MIB1: variants seen among roughly 807,000 people sequenced by gnomAD.
The protein encoded by MIB1 is E3 ubiquitin-protein ligase MIB1.
In MIB1, 278 loss-of-function variants were observed where a neutral mutation model predicts 124.5. The ratio of observed to expected loss-of-function variants is 2.23; its 90% CI spans 2.02 to 2.47. The LOEUF (loss-of-function observed/expected upper bound fraction) is 2.47, where lower values mean the gene tolerates loss of function less well. Ranked by LOEUF, MIB1 falls within the 30% of genes most tolerant of loss-of-function variation. MIB1 has a pLI of 0.00. For missense variants in MIB1, 957 were observed against 1,254.4 expected (o/e 0.76, Z 3.58); for synonymous variants, 446 against 429.4 (o/e 1.04, Z -0.48).
At chr18:21,814,110 T>G (rs915916431) in intron 10 of MIB1, among the ~76,000 whole-genome samples, 63 of 152,122 alleles carry the variant, frequency 4.1e-4, no homozygotes, top group African/African-American at 1.4e-3. Context: ...TTTAAGCAAT[T>G]TGGTCTTTCC....
intron 2 of MIB1, among the ~76,000 whole-genome samples, chr18:21,766,956 A>G (rs1490120891): frequency 6.6e-6 from 1 of 152,170 alleles, no homozygotes; most frequent in Non-Finnish European, 1.5e-5. Context: ...AACCTTTCTG[A>G]TTATGTGAAT....
intron 20 of MIB1, among the ~76,000 whole-genome samples, chr18:21,862,511 A>C (rs555176810): frequency 1.3e-5 from 2 of 152,338 alleles, no homozygotes; most frequent in East Asian, 3.9e-4. Context: ...TGTTTTGTGA[A>C]TAAATAGTAT....
chr18:21,780,264 C>T (rs1240716295), intron 6 of MIB1, among the ~76,000 whole-genome samples: 1 of 152,180 alleles, frequency 6.6e-6, no homozygotes, highest in Non-Finnish European at 1.5e-5. Context: ...TTCCTCTCCC[C>T]AGCTGTTCTG....
chr18:21,838,914 C>A (rs934106755), intron 13 of MIB1, among the ~76,000 whole-genome samples: 1 of 152,166 alleles, frequency 6.6e-6, no homozygotes, highest in Admixed American at 6.5e-5. Flanking sequence ...GGATTTATTT[C>A]GTAACTACTG....
chr18:21,711,982 C>G (rs2146352893), intron 1 of MIB1: 1 of 153,678 alleles, frequency 6.5e-6, no homozygotes, highest in East Asian at 1.9e-4. Context: ...GTGTGAGCCA[C>G]TGCGCCTGGC....
At chr18:21,825,482 C>T (rs2041916337) in intron 12 of MIB1, 4 of 280,626 alleles carry the variant, frequency 1.4e-5, no homozygotes, top group Admixed American at 1.0e-4. Context: ...ACCAAGAGAC[C>T]ATAATAAGTA....
At chr18:21,730,118 T>C (rs990235566) in intron 1 of MIB1, among the ~76,000 whole-genome samples, 1 of 152,232 alleles carries the variant, frequency 6.6e-6, no homozygotes, top group East Asian at 1.9e-4. Context: ...CTATTTATTG[T>C]AGTCTGATTT....
chr18:21,814,666 C>T lies in MIB1; in HGVS notation c.1480-950C>T, dbSNP rs201988450. On this transcript the variant is annotated intron_variant, in intron 10 of 20. Transcript: ENST00000261537. ...TCAGCTCACTGCAACCTCTGCCTCC[C>T]GGATTCAAGCAGTTCTCCTCCCTCA... Among the ~76,000 whole-genome samples the T allele has an allele frequency of 1.8e-4, 27 of 151,996 alleles. No homozygotes were observed. In the East Asian group the frequency reaches 3.3e-3, roughly 19 times the overall value.
intron 12 of MIB1, chr18:21,828,823 G>A (rs2041951212): frequency 1.1e-5 from 2 of 184,254 alleles, no homozygotes; most frequent in Non-Finnish European, 2.4e-5. Context: ...TTTCCTTCAT[G>A]AAATAAAAAC....
Position 21,778,184 on chromosome 18 carries a change from T to C in MIB1, c.703+15T>C. 1 of 1,536,720 alleles carries C rather than the reference T, an allele frequency of 6.5e-7. No individual in the cohort carries two copies. On this transcript the variant is annotated intron_variant, in intron 5 of 20. Transcript: ENST00000261537. ...CCCTGTGCTAGGTGAGTGAGAAGATTAGAGAGTATTACTAAATAATGGGTC... is the reference window on the plus strand; with the variant it reads ...CCCTGTGCTAGGTGAGTGAGAAGATCAGAGAGTATTACTAAATAATGGGTC...
At chr18:21,726,921 T>A (rs923359832) in intron 1 of MIB1, among the ~76,000 whole-genome samples, 8 of 152,152 alleles carry the variant, frequency 5.3e-5, no homozygotes, top group African/African-American at 1.9e-4. Context: ...ATTGTGAAGA[T>A]CATTCACTTT....
chr18:21,853,153 T>TA lies in MIB1; in HGVS notation c.2600_2601insA (p.Val868GlyfsTer4). ...CTTTTTCTATAGATTGAAGAATGTGTGGTATGCTCTGACAAGAAAGCAGCT... is the reference window on the plus strand; with the variant it reads ...CTTTTTCTATAGATTGAAGAATGTGTAGGTATGCTCTGACAAGAAAGCAGCT... On this transcript the variant is annotated frameshift_variant, in exon 18 of 21. Transcript: ENST00000261537. LOFTEE classifies it high-confidence loss of function. The TA allele has an allele frequency of 3.7e-6, 6 of 1,612,594 alleles. No individual in the cohort carries two copies. The highest frequency in any genetic ancestry group is 5.1e-6 in the Non-Finnish European group (6 of 1,178,770).
rs1195963394 is a variant in MIB1, at chr18:21,867,873, A to G, written c.*3207A>G. ...TAAGAATTAGTTAAATTCATGAACTAAGAGAATTAGAGATGGGGTAGAGTA... is the reference window on the plus strand; with the variant it reads ...TAAGAATTAGTTAAATTCATGAACTGAGAGAATTAGAGATGGGGTAGAGTA... On this transcript the variant is annotated 3_prime_UTR_variant, in exon 21 of 21. Coordinates refer to ENST00000261537, the MANE Select transcript of MIB1 (RefSeq NM_020774.4). 2.0e-5 allele frequency: 3 copies of G among 152,468 alleles called. No individual in the cohort carries two copies. Among genetic ancestry groups the G allele is most frequent in the South Asian group, 2.1e-4 (1 of 4,832 alleles). The allele number at this position is 152,468 out of a possible 1,614,324, so 9.4% of individuals were successfully genotyped here.
chr18:21,791,565 T>G lies in MIB1; in HGVS notation c.1092+8T>G. ...GCTGAAGCGATGCTTCCAGTAAGTA[T>G]GTTTAGAATAATTCTGGGCTAGAAA... On this transcript the variant is annotated splice_region_variant and intron_variant, in intron 7 of 20. Coordinates refer to ENST00000261537, the MANE Select transcript of MIB1 (RefSeq NM_020774.4). 1 of 1,600,434 alleles carries G rather than the reference T, an allele frequency of 6.2e-7. No individual in the cohort carries two copies. Among genetic ancestry groups the G allele is most frequent in the Non-Finnish European group, 8.5e-7 (1 of 1,170,180 alleles).
intron 1 of MIB1, among the ~76,000 whole-genome samples, chr18:21,755,253 C>A (rs2041018305): frequency 6.6e-6 from 1 of 151,712 alleles, no homozygotes; most frequent in African/African-American, 2.4e-5. Flanking sequence ...TAAACAGGTT[C>A]TTGTGAACTA....
chr18:21,749,890 C>T (rs549953280), intron 1 of MIB1, among the ~76,000 whole-genome samples: 1 of 152,158 alleles, frequency 6.6e-6, no homozygotes, highest in Non-Finnish European at 1.5e-5. Flanking sequence ...GATCCACCCA[C>T]CTCAGCTTTC....
chr18:21,716,488 A>G (rs1432230058), intron 1 of MIB1, among the ~76,000 whole-genome samples: 1 of 152,250 alleles, frequency 6.6e-6, no homozygotes, highest in Non-Finnish European at 1.5e-5. Flanking sequence ...TACACAGGCA[A>G]CAAATAGCAC....
At chr18:21,753,232 A>G (rs1379272356) in intron 1 of MIB1, among the ~76,000 whole-genome samples, 1 of 152,160 alleles carries the variant, frequency 6.6e-6, no homozygotes, top group Non-Finnish European at 1.5e-5. Context: ...CTTGTTGCCC[A>G]GTCTGTAGTG....
At position 21,775,102 on chromosome 18, in the gene MIB1, C is replaced by T. The variant is rs975622763; in HGVS notation, c.636+1374C>T. 4.6e-5 allele frequency among the ~76,000 whole-genome samples: 7 copies of T among 151,764 alleles called. No homozygotes were observed. In the South Asian group the frequency reaches 1.0e-3, roughly 23 times the overall value. On this transcript the variant is annotated intron_variant, in intron 4 of 20. Transcript: ENST00000261537. ...CTGGGACTGTAGGCGCCCACCACCA[C>T]GCCCGGCTCATTTTTTGCATTTTTA...
Sources: gnomAD v4.1 joint callset for allele counts (sites outside exome capture counted in the v4.1 genomes callset) on GRCh38, gnomAD v4.1.1 for gene constraint, MANE v1.5 for transcripts, NCBI Gene and HGNC (gene_info 2026-07-23, HGNC 2026-07-21) for gene names.